The following CDC5L variants were observed in gnomAD, a reference collection of about 807,000 sequenced individuals.
CDC5L encodes cell division cycle 5 like.
Under a neutral mutation model 104.1 loss-of-function variants are expected in CDC5L, and 18 were observed. That is an observed-to-expected ratio of 0.17 (90% CI 0.12 to 0.26). CDC5L has a LOEUF of 0.26. Among genes scored for constraint, CDC5L ranks in the 10% least tolerant of loss-of-function variants. CDC5L has a pLI of 1.00. For missense variants in CDC5L, 673 were observed against 956.9 expected (o/e 0.70, Z 3.91); for synonymous variants, 331 against 322.7 (o/e 1.03, Z -0.28).
At chr6:44,405,033 A>G (rs1046091636) in intron 6 of CDC5L, among the ~76,000 whole-genome samples, 2 of 152,106 alleles carry the variant, frequency 1.3e-5, no homozygotes, top group Non-Finnish European at 1.5e-5. Flanking sequence ...CCTTGTTTTT[A>G]TTAAGATGAA....
At chr6:44,413,118 C>G (rs1325035637) in intron 8 of CDC5L, among the ~76,000 whole-genome samples, 1 of 152,158 alleles carries the variant, frequency 6.6e-6, no homozygotes, top group African/African-American at 2.4e-5. Context: ...GAAAGAAAAC[C>G]CATACCCATT....
At chr6:44,435,951 T>C (rs933969078) in intron 14 of CDC5L, among the ~76,000 whole-genome samples, 1 of 152,004 alleles carries the variant, frequency 6.6e-6, no homozygotes, top group African/African-American at 2.4e-5. Context: ...TCGGCTAATT[T>C]TTGTATTTTA....
chr6:44,401,153 T>G (rs571476431), intron 5 of CDC5L, among the ~76,000 whole-genome samples: 2 of 152,314 alleles, frequency 1.3e-5, no homozygotes, highest in African/African-American at 4.8e-5. Context: ...TCCTTTTGTT[T>G]GAGGAGAGAT....
intron 14 of CDC5L, among the ~76,000 whole-genome samples, chr6:44,430,362 G>A (rs750794479): frequency 6.6e-6 from 1 of 150,390 alleles, no homozygotes; most frequent in Non-Finnish European, 1.5e-5. Flanking sequence ...GGATTACTGT[G>A]AGTTTGAGTT....
intron 13 of CDC5L, among the ~76,000 whole-genome samples, chr6:44,427,514 T>C (rs1351208807): frequency 6.6e-6 from 1 of 152,254 alleles, no homozygotes; most frequent in Non-Finnish European, 1.5e-5. Flanking sequence ...CTCTCCTGCA[T>C]TCTTCCTCTT....
At chr6:44,396,715 TGCTTGTGTTTCTGACCA>T (rs747087548) in intron 5 of CDC5L, among the ~76,000 whole-genome samples, 10 of 152,206 alleles carry the variant, frequency 6.6e-5, no homozygotes, top group Non-Finnish European at 8.8e-5. Context: ...CAGGTTATTT[TGCTTGTGTTTCTGACCA>T]GCGAGCTGGG....
At chr6:44,444,117 TG>T (rs1793338560) in intron 14 of CDC5L, among the ~76,000 whole-genome samples, 1 of 152,204 alleles carries the variant, frequency 6.6e-6, no homozygotes, top group African/African-American at 2.4e-5. Context: ...TAGATGTAGC[TG>T]GGAAGGTTGA....
At chr6:44,387,969 T>G in intron 1 of CDC5L, 101 bp downstream of exon 1, 1 of 1,140,178 alleles carries the variant, frequency 8.8e-7, no homozygotes, top group Non-Finnish European at 1.3e-6. Context: ...CCCTGTGGGG[T>G]CTGCGTGGAG....
intron 4 of CDC5L, among the ~76,000 whole-genome samples, chr6:44,394,874 A>T (rs1352211098): frequency 1.3e-5 from 1 of 78,128 alleles, no homozygotes; most frequent in Non-Finnish European, 2.3e-5. Flanking sequence ...AAAAAAAAAA[A>T]AAAAAAAAAA....
At chr6:44,413,278 C>G (rs1162005694) in intron 8 of CDC5L, among the ~76,000 whole-genome samples, 1 of 152,138 alleles carries the variant, frequency 6.6e-6, no homozygotes, top group Non-Finnish European at 1.5e-5. Context: ...TTTCACTTTG[C>G]ATTATATCGT....
chr6:44,413,072 G>A (rs543260811), intron 8 of CDC5L, among the ~76,000 whole-genome samples: 4 of 152,068 alleles, frequency 2.6e-5, no homozygotes, highest in African/African-American at 4.8e-5. Flanking sequence ...GTGAGCCACC[G>A]CGCCCGGCCC....
chr6:44,391,127 A>G (rs1561966307), intron 2 of CDC5L, among the ~76,000 whole-genome samples: 2 of 134,840 alleles, frequency 1.5e-5, no homozygotes. Context: ...AACATATTTA[A>G]TATGTTATAT....
chr6:44,392,113 C>T (rs1410990936), intron 2 of CDC5L, among the ~76,000 whole-genome samples: 5 of 152,164 alleles, frequency 3.3e-5, no homozygotes, highest in African/African-American at 1.2e-4. Context: ...GTTTGCCTGC[C>T]TGTCATCCAG....
intron 8 of CDC5L, among the ~76,000 whole-genome samples, chr6:44,416,250 T>TA (rs1343729921): frequency 6.6e-6 from 1 of 152,124 alleles, no homozygotes; most frequent in Non-Finnish European, 1.5e-5. Flanking sequence ...AAAGGAGTGT[T>TA]AAAGATTGGA....
intron 7 of CDC5L, among the ~76,000 whole-genome samples, chr6:44,407,901 T>G (rs976356149): frequency 6.6e-6 from 1 of 152,230 alleles, no homozygotes; most frequent in South Asian, 2.1e-4. Context: ...CACAACACCT[T>G]TAGATTTTCT....
intron 8 of CDC5L, among the ~76,000 whole-genome samples, chr6:44,411,637 A>AGAGAGAGAGAGAGTGTGTGTGTGTGT: frequency 2.4e-4 from 30 of 123,736 alleles, no homozygotes; most frequent in Middle Eastern, 8.0e-3. Context: ...AGAGAGAGAG[A>AGAGAGAGAGAGAGTGTGTGTGTGTGT]GTGTGTGTGT....
At chr6:44,442,965 G>C (rs910348836) in intron 14 of CDC5L, among the ~76,000 whole-genome samples, 18 of 151,646 alleles carry the variant, frequency 1.2e-4, no homozygotes, top group Non-Finnish European at 2.6e-4. Flanking sequence ...CATCCATTTG[G>C]TTTTGAAATA....
chr6:44,440,404 G>T (rs1793127998), intron 14 of CDC5L, among the ~76,000 whole-genome samples: 1 of 151,738 alleles, frequency 6.6e-6, no homozygotes, highest in Admixed American at 6.6e-5. Flanking sequence ...ACCATGCCTG[G>T]CTAAATTTTG....
chr6:44,403,158 G>A (rs535764783), intron 5 of CDC5L, among the ~76,000 whole-genome samples: 51 of 151,972 alleles, frequency 3.4e-4, no homozygotes, highest in African/African-American at 8.9e-4. Context: ...CAGCCTTGCC[G>A]TTAAAACAAA....
Sources: allele counts gnomAD v4.1 joint callset (sites outside exome capture counted in the v4.1 genomes callset), GRCh38; gene constraint gnomAD v4.1.1; transcripts MANE v1.5; gene names NCBI Gene and HGNC (gene_info 2026-07-23, HGNC 2026-07-21).